Variants in NUCKS1 observed in about 807,000 individuals in gnomAD.
NUCKS1 encodes nuclear casein kinase and cyclin dependent kinase substrate 1.
A neutral mutation model predicts 33.0 loss-of-function variants in NUCKS1; 2 were observed. The observed-to-expected ratio is 0.06, with a 90% CI of 0.02 to 0.19. The LOEUF (loss-of-function observed/expected upper bound fraction) is 0.19, where lower values mean the gene tolerates loss of function less well. NUCKS1 is among the 10% of genes least tolerant of loss of function. The pLI, the probability that NUCKS1 is intolerant of heterozygous loss-of-function variation, is 1.00. For synonymous variants in NUCKS1, 106 were observed against 102.8 expected (o/e 1.03, Z -0.19); for missense variants, 201 against 293.6 (o/e 0.68, Z 2.31).
At chr1:205,727,427 T>A (rs756680963) in intron 3 of NUCKS1, among the ~76,000 whole-genome samples, 10 of 152,244 alleles carry the variant, frequency 6.6e-5, no homozygotes, top group Non-Finnish European at 1.5e-4. Context: ...TTCTACAAGC[T>A]TTAGTTGTAA....
chr1:205,748,441 C>G (rs1162989385), intron 1 of NUCKS1, among the ~76,000 whole-genome samples: 2 of 152,178 alleles, frequency 1.3e-5, no homozygotes, highest in Admixed American at 1.3e-4. Flanking sequence ...AGAAAATATT[C>G]TACGTGAGTT....
chr1:205,745,558 T>C (rs1488600783), intron 1 of NUCKS1, among the ~76,000 whole-genome samples: 1 of 152,244 alleles, frequency 6.6e-6, no homozygotes, highest in African/African-American at 2.4e-5. Context: ...TTAAACATTT[T>C]GGCTGTTTTT....
chr1:205,723,383 C>G (rs1391200370), intron 4 of NUCKS1, among the ~76,000 whole-genome samples: 1 of 152,046 alleles, frequency 6.6e-6, no homozygotes, highest in African/African-American at 2.4e-5. Context: ...TTTTATTTGG[C>G]CATGGAGACT....
chr1:205,740,748 G>A (rs1654148001), intron 1 of NUCKS1, among the ~76,000 whole-genome samples: 1 of 151,668 alleles, frequency 6.6e-6, no homozygotes, highest in South Asian at 2.1e-4. Context: ...AATTTCTGCA[G>A]AAAACGGAGG....
chr1:205,729,014 G>A lies in NUCKS1; in HGVS notation c.67+558C>T, dbSNP rs1373305917. 1.1e-4 allele frequency among the ~76,000 whole-genome samples: 17 copies of A among 152,192 alleles called. No individual in the cohort carries two copies. The South Asian group carries it at 3.5e-3, about 32-fold the overall frequency. ...GACAGGGTCTCTTTCTGTTGCCCAG[G>A]CTGGAGTGCAGTGGCGCCATCTCGG... On this transcript the variant is annotated intron_variant, in intron 2 of 6. Coordinates refer to ENST00000367142, the MANE Select transcript of NUCKS1 (RefSeq NM_022731.5).
Position 205,746,449 on chromosome 1 carries a change from TCTCTCACA to T in NUCKS1, c.17+3500_17+3507del, listed in dbSNP as rs1448891380. 8.4e-4 allele frequency among the ~76,000 whole-genome samples: 91 copies of T among 108,072 alleles called. No homozygotes were observed. In the East Asian group the frequency reaches 0.022, roughly 26 times the overall value. 70.9% of individuals were successfully genotyped at this position (108,072 alleles called of 152,430 possible). A position where few individuals can be genotyped will look rare whatever the true frequency, so the allele number is the denominator to read the frequency against. ...TAATAAACTCACTTCTCTCTCTCTCTCTCTCACACACACACACACACACACACACACAC... is the reference window on the plus strand; with the variant it reads ...TAATAAACTCACTTCTCTCTCTCTCTCACACACACACACACACACACACAC... On this transcript the variant is annotated intron_variant, in intron 1 of 6. Transcript: ENST00000367142.
chr1:205,725,357 C>G (rs1439521536), intron 3 of NUCKS1, among the ~76,000 whole-genome samples: 1 of 152,190 alleles, frequency 6.6e-6, no homozygotes, highest in Non-Finnish European at 1.5e-5. Context: ...TTATAAATCA[C>G]TTTTGGTATT....
At chr1:205,747,576 T>C (rs1477981540) in intron 1 of NUCKS1, among the ~76,000 whole-genome samples, 1 of 152,140 alleles carries the variant, frequency 6.6e-6, no homozygotes, top group Admixed American at 6.5e-5. Flanking sequence ...CATATTAAAA[T>C]AAAAATGGAT....
intron 1 of NUCKS1, among the ~76,000 whole-genome samples, chr1:205,733,001 T>C (rs1422581345): frequency 1.3e-5 from 2 of 152,084 alleles, no homozygotes; most frequent in Non-Finnish European, 2.9e-5. Context: ...ATTTTCTGTA[T>C]TATTTAGGAT....
Position 205,718,132 on chromosome 1 carries a change from A to G in NUCKS1, c.*148T>C, listed in dbSNP as rs1671858625. The G allele has an allele frequency of 7.7e-7, 1 of 1,303,474 alleles. No individual in the cohort carries two copies. The highest frequency in any genetic ancestry group is 1.5e-5 in the African/African-American group (1 of 65,630). 80.7% of individuals were successfully genotyped at this position (1,303,474 alleles called of 1,614,324 possible). A position where few individuals can be genotyped will look rare whatever the true frequency, so the allele number is the denominator to read the frequency against. On this transcript the variant is annotated 3_prime_UTR_variant, in exon 7 of 7. Transcript: ENST00000367142. ...GAGAGAGAGAGAAATGTTACTTTCA[A>G]CAAATGGAAAAAAGCACTGAAAGCC...
intron 1 of NUCKS1, 55 bp downstream of exon 1, chr1:205,749,902 A>G: frequency 6.4e-7 from 1 of 1,557,536 alleles, no homozygotes; most frequent in Non-Finnish European, 8.8e-7. Context: ...CACTCTTTTC[A>G]CCACTCGCCC....
intron 1 of NUCKS1, among the ~76,000 whole-genome samples, chr1:205,747,503 A>C (rs1413978514): frequency 1.3e-5 from 2 of 152,206 alleles, no homozygotes; most frequent in Non-Finnish European, 2.9e-5. Context: ...ACCACCCTTC[A>C]TTTGGAAATT....
Position 205,716,588 on chromosome 1 carries a change from ACT to A in NUCKS1, c.*1690_*1691del, listed in dbSNP as rs1235674125. 1 of 152,136 alleles carries A rather than the reference ACT, an allele frequency of 6.6e-6. No homozygotes were observed. The highest frequency in any genetic ancestry group is 1.9e-4 in the East Asian group (1 of 5,198). The allele number at this position is 152,136 out of a possible 1,614,324, so 9.4% of individuals were successfully genotyped here. A position where few individuals can be genotyped will look rare whatever the true frequency, so the allele number is the denominator to read the frequency against. ...TAACACACAGTGCAATAGTGAAATG[ACT>A]CTGCCACTGTGTGTTTTTTAAAAAA... is the stretch of plus-strand genomic sequence containing the variant. On this transcript the variant is annotated 3_prime_UTR_variant, in exon 7 of 7. Transcript: ENST00000367142.
At chr1:205,744,630 G>GTTGTTT (rs1654266454) in intron 1 of NUCKS1, among the ~76,000 whole-genome samples, 1 of 87,786 alleles carries the variant, frequency 1.1e-5, no homozygotes, top group African/African-American at 4.5e-5. Context: ...GTTCACTAGA[G>GTTGTTT]TTTTTTTTTT....
Position 205,737,628 on chromosome 1 carries a change from C to T in NUCKS1, c.18-8007G>A, listed in dbSNP as rs890633982. Among the ~76,000 whole-genome samples the T allele has an allele frequency of 3.9e-5, 6 of 152,152 alleles. No individual in the cohort carries two copies. In the South Asian group the frequency reaches 6.2e-4, roughly 16 times the overall value. ...CAAAATCCTTGTTGAAATAAAACCT[C>T]GGTATTTTCACAGAATTCTTTTGCT... On this transcript the variant is annotated intron_variant, in intron 1 of 6. Coordinates refer to ENST00000367142, the MANE Select transcript of NUCKS1 (RefSeq NM_022731.5).
At chr1:205,737,351 T>C (rs888424568) in intron 1 of NUCKS1, among the ~76,000 whole-genome samples, 2 of 152,222 alleles carry the variant, frequency 1.3e-5, no homozygotes, top group African/African-American at 4.8e-5. Flanking sequence ...TTTCAGCATA[T>C]TATTTATCTT....
At chr1:205,733,703 G>A (rs912729684) in intron 1 of NUCKS1, among the ~76,000 whole-genome samples, 3 of 152,040 alleles carry the variant, frequency 2.0e-5, no homozygotes, top group East Asian at 1.9e-4. Context: ...AATGGTCACT[G>A]CAAATGATCA....
chr1:205,737,713 A>G (rs1654065150), intron 1 of NUCKS1, among the ~76,000 whole-genome samples: 1 of 152,270 alleles, frequency 6.6e-6, no homozygotes, highest in Non-Finnish European at 1.5e-5. Flanking sequence ...TAAACTTTTT[A>G]GCAGTAAACA....
chr1:205,735,333 G>C (rs1031759583), intron 1 of NUCKS1, among the ~76,000 whole-genome samples: 1 of 152,164 alleles, frequency 6.6e-6, no homozygotes, highest in Non-Finnish European at 1.5e-5. Flanking sequence ...TAGTCTAGGA[G>C]CAATAGGCTA....
Sources: gnomAD v4.1 joint callset for allele counts (sites outside exome capture counted in the v4.1 genomes callset) on GRCh38, gnomAD v4.1.1 for gene constraint, MANE v1.5 for transcripts, NCBI Gene and HGNC (gene_info 2026-07-23, HGNC 2026-07-21) for gene names.